Variants in BTBD9 observed in about 807,000 individuals in gnomAD.
BTBD9 encodes BTB domain containing 9, also known as BTB/POZ domain-containing protein 9.
BTBD9 carries 49 observed loss-of-function variants against 64.3 expected under a neutral mutation model. The observed-to-expected ratio is 0.76, with a 90% CI of 0.61 to 0.97. The LOEUF is 0.97. BTBD9 is among the 50% of genes least tolerant of loss of function. The pLI is 0.00. For missense variants in BTBD9, 598 were observed against 762.1 expected (o/e 0.78, Z 2.53); for synonymous variants, 260 against 274.7 (o/e 0.95, Z 0.53).
chr6:38,518,410 T>C (rs1773136530), intron 6 of BTBD9, among the ~76,000 whole-genome samples: 1 of 152,240 alleles, frequency 6.6e-6, no homozygotes. Flanking sequence ...TAATTTCAAC[T>C]GGTTCTCGCC....
At chr6:38,424,519 AT>A (rs1268063758) in intron 6 of BTBD9, among the ~76,000 whole-genome samples, 1 of 151,842 alleles carries the variant, frequency 6.6e-6, no homozygotes, top group Non-Finnish European at 1.5e-5. Flanking sequence ...ATATTTTTAA[AT>A]TTTTTATTCT....
intron 6 of BTBD9, chr6:38,482,593 A>G (rs906011420): frequency 1.3e-5 from 2 of 152,054 alleles, no homozygotes; most frequent in Non-Finnish European, 2.9e-5. Flanking sequence ...AGTCCTTTCT[A>G]CTGATGTAGC....
At chr6:38,369,977 G>A (rs1337449044) in intron 6 of BTBD9, among the ~76,000 whole-genome samples, 1 of 152,210 alleles carries the variant, frequency 6.6e-6, no homozygotes, top group African/African-American at 2.4e-5. Flanking sequence ...GGCCTGGAAG[G>A]ACAACAAAAA....
At chr6:38,197,104 G>A (rs1582035252) in intron 9 of BTBD9, among the ~76,000 whole-genome samples, 1 of 152,294 alleles carries the variant, frequency 6.6e-6, no homozygotes, top group Admixed American at 6.5e-5. Flanking sequence ...AAAATAACGG[G>A]CCAGGTTTGT....
intron 1 of BTBD9, among the ~76,000 whole-genome samples, chr6:38,639,074 T>C (rs1480447240): frequency 2.0e-5 from 3 of 152,204 alleles, no homozygotes; most frequent in Admixed American, 2.0e-4. Flanking sequence ...TCCTTGGATC[T>C]ACTAATGACA....
rs1322244841 is a variant in BTBD9 at position 38,171,235 on chromosome 6, T to C, written c.*3750A>G. 6.6e-6 allele frequency: 1 copy of C among 152,242 alleles called. No individual in the cohort carries two copies. The highest frequency in any genetic ancestry group is 1.5e-5 in the Non-Finnish European group (1 of 68,044). The allele number at this position is 152,242 out of a possible 1,614,324, so 9.4% of individuals were successfully genotyped here. A position where few individuals can be genotyped will look rare whatever the true frequency, so the allele number is the denominator to read the frequency against. On this transcript the variant is annotated 3_prime_UTR_variant, in exon 11 of 11. Coordinates refer to ENST00000481247, the MANE Select transcript of BTBD9 (RefSeq NM_001099272.2). ...TGAAGTTGACTGGGCTGGAGCCATC[T>C]GCACAGCAGTTTGACAACTGGGGCG...
chr6:38,250,739 A>G (rs945968851), intron 9 of BTBD9, among the ~76,000 whole-genome samples: 7 of 152,210 alleles, frequency 4.6e-5, no homozygotes, highest in African/African-American at 1.4e-4. Flanking sequence ...TCAACGTAGT[A>G]AAGAGTCGAG....
At chr6:38,199,710 G>C (rs1226792690) in intron 9 of BTBD9, among the ~76,000 whole-genome samples, 1 of 152,182 alleles carries the variant, frequency 6.6e-6, no homozygotes, top group Non-Finnish European at 1.5e-5. Flanking sequence ...ATCTGAAAGG[G>C]CATCCCAGTG....
At chr6:38,229,191 T>C (rs1763515621) in intron 9 of BTBD9, among the ~76,000 whole-genome samples, 1 of 126,260 alleles carries the variant, frequency 7.9e-6, no homozygotes, top group African/African-American at 2.7e-5. Context: ...AGCAAGACTC[T>C]GTCAAAAAAA....
intron 7 of BTBD9, among the ~76,000 whole-genome samples, chr6:38,329,652 G>A (rs1442654007): frequency 6.6e-6 from 1 of 152,010 alleles, no homozygotes; most frequent in Non-Finnish European, 1.5e-5. Context: ...TTGCCAAGTT[G>A]TCTTCTATAA....
Position 38,251,038 on chromosome 6 carries a change from C to T in BTBD9, c.1562+5371G>A, listed in dbSNP as rs566177824. Among the ~76,000 whole-genome samples, 9 of 150,728 alleles carry T rather than the reference C, an allele frequency of 6.0e-5. No homozygotes were observed. The South Asian group carries it at 1.5e-3, about 25-fold the overall frequency. On this transcript the variant is annotated intron_variant, in intron 9 of 10. Transcript: ENST00000481247. ...CACAGGTTGCAGTGAGCCAAGACCG[C>T]GCCATTGCACTCTAGCCTGGGCGAC...
intron 7 of BTBD9, among the ~76,000 whole-genome samples, chr6:38,300,176 A>G (rs1041508599): frequency 7.2e-5 from 11 of 152,052 alleles, no homozygotes; most frequent in African/African-American, 2.7e-4. Context: ...GTAGATATGC[A>G]GCATTATTTC....
chr6:38,296,038 ACT>A (rs1159285000), intron 7 of BTBD9, among the ~76,000 whole-genome samples: 3 of 151,904 alleles, frequency 2.0e-5, no homozygotes, highest in African/African-American at 4.8e-5. Context: ...ACAAAGCGAG[ACT>A]CTGTCTCAAA....
intron 6 of BTBD9, among the ~76,000 whole-genome samples, chr6:38,360,090 CTTAAA>C (rs1294108548): frequency 1.3e-5 from 2 of 152,102 alleles, no homozygotes; most frequent in Non-Finnish European, 2.9e-5. Flanking sequence ...GTTTTTACAG[CTTAAA>C]TTAAAGAAGT....
chr6:38,315,302 C>G (rs1442009899), intron 7 of BTBD9, among the ~76,000 whole-genome samples: 2 of 152,050 alleles, frequency 1.3e-5, no homozygotes, highest in African/African-American at 4.8e-5. Flanking sequence ...GATCTTTATT[C>G]TCTCTTTTCT....
intron 10 of BTBD9, chr6:38,179,922 GAGA>G: frequency 2.3e-6 from 1 of 430,254 alleles, no homozygotes; most frequent in South Asian, 1.7e-5. Context: ...AGGGAACGAG[GAGA>G]AGATTTCCAC....
intron 8 of BTBD9, among the ~76,000 whole-genome samples, chr6:38,261,933 C>T (rs1283624714): frequency 6.6e-6 from 1 of 152,164 alleles, no homozygotes; most frequent in Non-Finnish European, 1.5e-5. Flanking sequence ...CTAGGATGCA[C>T]ATTTGCTTGG....
intron 6 of BTBD9, among the ~76,000 whole-genome samples, chr6:38,352,359 A>G (rs1764553308): frequency 6.6e-6 from 1 of 152,082 alleles, no homozygotes; most frequent in South Asian, 2.1e-4. Context: ...CCTGGGTGAC[A>G]AAGTGAAACT....
intron 8 of BTBD9, among the ~76,000 whole-genome samples, chr6:38,274,535 T>C (rs1398358291): frequency 6.6e-6 from 1 of 152,230 alleles, no homozygotes; most frequent in African/African-American, 2.4e-5. Context: ...ATAGCTCTTA[T>C]TATTTTGAGA....
Sources: allele counts gnomAD v4.1 joint callset (sites outside exome capture counted in the v4.1 genomes callset), GRCh38; gene constraint gnomAD v4.1.1; transcripts MANE v1.5; gene names NCBI Gene and HGNC (gene_info 2026-07-23, HGNC 2026-07-21).